The following PARG variants were observed in gnomAD, a reference collection of about 807,000 sequenced individuals.
PARG encodes poly(ADP-ribose) glycohydrolase.
Under a neutral mutation model 113.0 loss-of-function variants are expected in PARG, and 35 were observed. That is an observed-to-expected ratio of 0.31 (90% confidence interval 0.24 to 0.41). The LOEUF (loss-of-function observed/expected upper bound fraction) is 0.41, where lower values mean the gene tolerates loss of function less well. PARG is among the 10% of genes least tolerant of loss of function. The pLI is 1.00. For missense variants in PARG, 797 were observed against 1,169.4 expected, an observed-to-expected ratio of 0.68 and a Z score of 4.64; for synonymous variants, 330 against 409.9, an observed-to-expected ratio of 0.81 and a Z score of 2.36.
chr10:49,897,473 G>A (rs1181634888), intron 7 of PARG, among the ~76,000 whole-genome samples: 2 of 151,980 alleles, frequency 1.3e-5, no homozygotes, highest in South Asian at 2.1e-4. Context: ...CACTTACTGC[G>A]GTTATTACAA....
chr10:49,836,037 C>T (rs148140300), intron 15 of PARG, among the ~76,000 whole-genome samples: 1 of 152,202 alleles, frequency 6.6e-6, no homozygotes, highest in Non-Finnish European at 1.5e-5. Context: ...GAGTAGCAGG[C>T]TATACCACTT....
intron 16 of PARG, among the ~76,000 whole-genome samples, chr10:49,824,189 A>C (rs1844239553): frequency 1.3e-5 from 2 of 152,254 alleles, no homozygotes; most frequent in African/African-American, 4.8e-5. Context: ...TACATAAATG[A>C]AATTTCCAGA....
intron 4 of PARG, among the ~76,000 whole-genome samples, chr10:49,928,572 T>C (rs1838333464): frequency 6.6e-6 from 1 of 152,220 alleles, no homozygotes; most frequent in Non-Finnish European, 1.5e-5. Context: ...AACAGGGTCT[T>C]ACTCTGTCAT....
At chr10:49,840,746 A>G (rs1169717688) in intron 15 of PARG, among the ~76,000 whole-genome samples, 1 of 152,224 alleles carries the variant, frequency 6.6e-6, no homozygotes, top group Admixed American at 6.5e-5. Flanking sequence ...CAAAATATCT[A>G]CTAAGTTGTA....
intron 15 of PARG, among the ~76,000 whole-genome samples, chr10:49,840,417 A>C (rs1286201873): frequency 6.8e-6 from 1 of 146,342 alleles, no homozygotes; most frequent in African/African-American, 2.5e-5. Context: ...AAAACACAAC[A>C]AAAAAAAAAA....
chr10:49,881,911 T>A (rs1847236087), intron 8 of PARG, among the ~76,000 whole-genome samples: 1 of 152,182 alleles, frequency 6.6e-6, no homozygotes, highest in African/African-American at 2.4e-5. Context: ...CGTGCATTTG[T>A]TCACAACCAA....
intron 13 of PARG, among the ~76,000 whole-genome samples, chr10:49,844,195 G>A (rs1315711821): frequency 1.3e-5 from 2 of 151,860 alleles, no homozygotes; most frequent in African/African-American, 2.4e-5. Flanking sequence ...TAAAGAAAAA[G>A]CATATAAGTA....
intron 1 of PARG, 79 bp downstream of exon 1, chr10:49,941,430 T>C (rs1185981457): frequency 9.3e-7 from 1 of 1,074,584 alleles, no homozygotes. Flanking sequence ...AAGGAGTGAC[T>C]GGAGCCCCTG....
At chr10:49,889,453 A>G (rs773278599) in intron 7 of PARG, among the ~76,000 whole-genome samples, 39 of 152,252 alleles carry the variant, frequency 2.6e-4, no homozygotes, top group Middle Eastern at 3.4e-3. Context: ...AGGTACCTTG[A>G]TAGTGCTGGG....
At chr10:49,856,413 C>T (rs1350741864) in intron 13 of PARG, among the ~76,000 whole-genome samples, 2 of 151,990 alleles carry the variant, frequency 1.3e-5, no homozygotes, top group African/African-American at 4.8e-5. Flanking sequence ...CTCCTGACCT[C>T]AGGCCATCTG....
At position 49,920,523 on chromosome 10, in the gene PARG, T is replaced by C. The variant is rs1330440256; in HGVS notation, c.1662+1813A>G. Among the ~76,000 whole-genome samples the C allele has an allele frequency of 4.3e-5, 6 of 139,292 alleles. 1 individual carries two copies. In the East Asian group the frequency reaches 1.2e-3, roughly 28 times the overall value. The allele number at this position is 139,292 out of a possible 152,430, so 91.4% of individuals were successfully genotyped here. A position where few individuals can be genotyped will look rare whatever the true frequency, so the allele number is the denominator to read the frequency against. ...ACACACACACACACATATATATGTA[T>C]ATACATGTATATATATACACATATA... On this transcript the variant is annotated intron_variant, in intron 6 of 17. Transcript: ENST00000616448.
At chr10:49,870,077 T>G (rs1251393894) in intron 9 of PARG, among the ~76,000 whole-genome samples, 1 of 151,990 alleles carries the variant, frequency 6.6e-6, no homozygotes, top group Non-Finnish European at 1.5e-5. Context: ...ACTAGATTCT[T>G]TTATGGACTG....
At chr10:49,865,975 G>A (rs1305379754) in intron 10 of PARG, among the ~76,000 whole-genome samples, 8 of 146,374 alleles carry the variant, frequency 5.5e-5, no homozygotes, top group Non-Finnish European at 1.2e-4. Flanking sequence ...CTTGTTAGTA[G>A]CAGTCGTAGC....
intron 8 of PARG, among the ~76,000 whole-genome samples, chr10:49,880,978 C>A (rs1847186214): frequency 6.6e-6 from 1 of 152,142 alleles, no homozygotes; most frequent in South Asian, 2.1e-4. Context: ...AATCCCTATT[C>A]CTTTCCAGGT....
At chr10:49,929,565 C>T (rs1296001074) in intron 4 of PARG, among the ~76,000 whole-genome samples, 20 of 152,362 alleles carry the variant, frequency 1.3e-4, no homozygotes, top group Non-Finnish European at 1.8e-4. Flanking sequence ...CGGTGGCTCA[C>T]GCCTGTAATC....
chr10:49,939,911 G>A (rs1212992836), intron 1 of PARG, among the ~76,000 whole-genome samples: 4 of 152,226 alleles, frequency 2.6e-5, no homozygotes, highest in African/African-American at 7.2e-5. Context: ...CACTGTTAAC[G>A]AATGCATCCT....
intron 8 of PARG, among the ~76,000 whole-genome samples, chr10:49,883,334 G>C (rs1354412377): frequency 5.3e-5 from 8 of 151,576 alleles, no homozygotes; most frequent in Non-Finnish European, 1.2e-4. Flanking sequence ...GGAGTAAAAT[G>C]CTAGCAGAAC....
chr10:49,918,254 A>G (rs1464356388), intron 6 of PARG, among the ~76,000 whole-genome samples: 6 of 152,202 alleles, frequency 3.9e-5, no homozygotes, highest in Non-Finnish European at 7.4e-5. Flanking sequence ...TTAAAAGGAT[A>G]AACTTTCTTA....
At chr10:49,846,783 A>G (rs1382394914) in intron 13 of PARG, among the ~76,000 whole-genome samples, 1 of 152,072 alleles carries the variant, frequency 6.6e-6, no homozygotes, top group Non-Finnish European at 1.5e-5. Flanking sequence ...TTTGTAACAT[A>G]TATGTTCTAG....
Sources: allele counts gnomAD v4.1 joint callset (sites outside exome capture counted in the v4.1 genomes callset), GRCh38; gene constraint gnomAD v4.1.1; transcripts MANE v1.5; gene names NCBI Gene and HGNC (gene_info 2026-07-23, HGNC 2026-07-21).